Variants in CDH10 observed in about 807,000 individuals in gnomAD.
CDH10 encodes cadherin-10.
In CDH10, 30 loss-of-function variants were observed where a neutral mutation model predicts 73.1. The ratio of observed to expected loss-of-function variants is 0.41; its 90% CI spans 0.31 to 0.56. The LOEUF (loss-of-function observed/expected upper bound fraction) is 0.56, where lower values mean the gene tolerates loss of function less well. CDH10 is among the 20% of genes least tolerant of loss of function. The pLI, the probability that CDH10 is intolerant of heterozygous loss-of-function variation, is 0.27. For synonymous variants in CDH10, 345 were observed against 348.2 expected, an observed-to-expected ratio of 0.99 and a Z score of 0.10; for missense variants, 815 against 973.7, an observed-to-expected ratio of 0.84 and a Z score of 2.17.
chr5:24,587,230 G>A (rs1352220836), intron 2 of CDH10, among the ~76,000 whole-genome samples: 2 of 152,168 alleles, frequency 1.3e-5, no homozygotes, highest in Non-Finnish European at 2.9e-5. Flanking sequence ...TTATTAAAGT[G>A]CTCCCTCCTA....
chr5:24,521,904 G>T (rs1743346047), intron 5 of CDH10, among the ~76,000 whole-genome samples: 1 of 152,114 alleles, frequency 6.6e-6, no homozygotes, highest in Non-Finnish European at 1.5e-5. Flanking sequence ...GGGAGGCTGA[G>T]GTGGGCGGAT....
At chr5:24,492,483 C>G (rs370314269) in intron 10 of CDH10, among the ~76,000 whole-genome samples, 6 of 152,258 alleles carry the variant, frequency 3.9e-5, no homozygotes, top group South Asian at 4.1e-4. Context: ...TCACTGAAGT[C>G]TGCTTAAGAG....
intron 2 of CDH10, among the ~76,000 whole-genome samples, chr5:24,539,220 A>G (rs1272831541): frequency 6.6e-6 from 1 of 151,976 alleles, no homozygotes; most frequent in African/African-American, 2.4e-5. Flanking sequence ...ATTTACCTAA[A>G]TAAGTTTCAT....
chr5:24,504,506 C>CTGTTTTT lies in CDH10; in HGVS notation c.1393+605_1393+606insAAAAACA, dbSNP rs1554016940. Among the ~76,000 whole-genome samples the CTGTTTTT allele has an allele frequency of 1.6e-3, 106 of 65,160 alleles. 32 individuals carry two copies. The highest frequency in any genetic ancestry group is 2.7e-3 in the East Asian group (5 of 1,840). 42.7% of individuals were successfully genotyped at this position (65,160 alleles called of 152,430 possible). A position where few individuals can be genotyped will look rare whatever the true frequency, so the allele number is the denominator to read the frequency against. ...TATTAAATGCTTTTCTCCTATTAAT[C>CTGTTTTT]TTTTTTTTTTTTTTTTTTTTTTTTT... On this transcript the variant is annotated intron_variant, in intron 8 of 11. Coordinates refer to ENST00000264463, the MANE Select transcript of CDH10 (RefSeq NM_006727.5).
chr5:24,565,655 A>C (rs1745140754), intron 2 of CDH10, among the ~76,000 whole-genome samples: 1 of 152,134 alleles, frequency 6.6e-6, no homozygotes, highest in African/African-American at 2.4e-5. Flanking sequence ...CTAAGGAAGT[A>C]ATTGAGGTTA....
At chr5:24,504,311 C>A (rs1742602404) in intron 8 of CDH10, among the ~76,000 whole-genome samples, 1 of 151,850 alleles carries the variant, frequency 6.6e-6, no homozygotes, top group Admixed American at 6.6e-5. Context: ...AAATTCCATA[C>A]AAGTGATTCA....
intron 5 of CDH10, among the ~76,000 whole-genome samples, chr5:24,523,467 T>C (rs536576384): frequency 6.6e-6 from 1 of 152,224 alleles, no homozygotes; most frequent in African/African-American, 2.4e-5. Flanking sequence ...AAAATTACCA[T>C]ATCAATGTTC....
intron 5 of CDH10, among the ~76,000 whole-genome samples, chr5:24,514,225 C>T (rs891046149): frequency 3.9e-5 from 6 of 152,076 alleles, no homozygotes; most frequent in East Asian, 1.9e-4. Flanking sequence ...CCCTTAAAAA[C>T]ATTCATATTA....
At chr5:24,637,934 C>T (rs1478280438) in intron 1 of CDH10, among the ~76,000 whole-genome samples, 1 of 151,680 alleles carries the variant, frequency 6.6e-6, no homozygotes, top group Non-Finnish European at 1.5e-5. Flanking sequence ...CTTCGACCTA[C>T]CTAGAAACAG....
chr5:24,525,639 A>G (rs1743502327), intron 5 of CDH10, among the ~76,000 whole-genome samples: 1 of 152,108 alleles, frequency 6.6e-6, no homozygotes, highest in Admixed American at 6.6e-5. Flanking sequence ...AGGAGAGCTG[A>G]AAGTCACACC....
At chr5:24,531,646 C>G (rs1214436801) in intron 5 of CDH10, among the ~76,000 whole-genome samples, 1 of 152,114 alleles carries the variant, frequency 6.6e-6, no homozygotes, top group East Asian at 1.9e-4. Context: ...GACTTATTCA[C>G]TATCACAAGA....
At chr5:24,550,694 C>T (rs1304014141) in intron 2 of CDH10, among the ~76,000 whole-genome samples, 1 of 152,056 alleles carries the variant, frequency 6.6e-6, no homozygotes, top group Non-Finnish European at 1.5e-5. Flanking sequence ...TGCATCATTT[C>T]CATCCTCCCC....
At chr5:24,598,349 C>G (rs1304235501) in intron 1 of CDH10, among the ~76,000 whole-genome samples, 1 of 151,878 alleles carries the variant, frequency 6.6e-6, no homozygotes, top group African/African-American at 2.4e-5. Flanking sequence ...ATTTATCACT[C>G]TGTTTTAAGT....
intron 5 of CDH10, among the ~76,000 whole-genome samples, chr5:24,534,473 G>A (rs1743866984): frequency 6.6e-6 from 1 of 152,014 alleles, no homozygotes; most frequent in African/African-American, 2.4e-5. Context: ...AAATGCATGT[G>A]TTTCTATGGT....
At chr5:24,501,986 T>C (rs1402084016) in intron 8 of CDH10, among the ~76,000 whole-genome samples, 2 of 151,824 alleles carry the variant, frequency 1.3e-5, no homozygotes, top group Admixed American at 1.3e-4. Flanking sequence ...TGGCGCAATC[T>C]CCGCTCACTG....
chr5:24,582,274 C>A (rs752575793), intron 2 of CDH10, among the ~76,000 whole-genome samples: 1 of 151,980 alleles, frequency 6.6e-6, no homozygotes, highest in Non-Finnish European at 1.5e-5. Context: ...AATTCAAATA[C>A]GTTTATGTAG....
intron 1 of CDH10, among the ~76,000 whole-genome samples, chr5:24,611,365 T>C (rs1166301522): frequency 6.6e-6 from 1 of 152,108 alleles, no homozygotes; most frequent in African/African-American, 2.4e-5. Flanking sequence ...GAGGATCGCT[T>C]GACACCAAGA....
chr5:24,529,465 TG>T (rs2111851418), intron 5 of CDH10, among the ~76,000 whole-genome samples: 1 of 152,020 alleles, frequency 6.6e-6, no homozygotes, highest in African/African-American at 2.4e-5. Context: ...GTCCTTTAAG[TG>T]GGGAAATTTT....
chr5:24,488,800 C>G (rs57001357), intron 11 of CDH10, among the ~76,000 whole-genome samples: 19 of 139,050 alleles, frequency 1.4e-4, no homozygotes, highest in South Asian at 2.6e-4. Flanking sequence ...GACCCCCCCC[C>G]CAAAAAAAAT....
Sources: gnomAD v4.1 joint callset for allele counts (sites outside exome capture counted in the v4.1 genomes callset) on GRCh38, gnomAD v4.1.1 for gene constraint, MANE v1.5 for transcripts, NCBI Gene and HGNC (gene_info 2026-07-23, HGNC 2026-07-21) for gene names.